Variants in BBS9 observed in about 807,000 individuals in gnomAD.
The protein encoded by BBS9 is protein PTHB1.
In BBS9, 89 loss-of-function variants were observed where a neutral mutation model predicts 117.7. The ratio of observed to expected loss-of-function variants is 0.76; its 90% CI spans 0.64 to 0.90. The LOEUF (loss-of-function observed/expected upper bound fraction) is 0.90, where lower values mean the gene tolerates loss of function less well. Ranked by LOEUF, BBS9 falls within the 40% of genes least tolerant of loss-of-function variation. BBS9 has a pLI of 0.00. For missense variants in BBS9, 982 were observed against 1,042.2 expected (o/e 0.94, Z 0.80); for synonymous variants, 379 against 370.9 (o/e 1.02, Z -0.25).
intron 5 of BBS9, among the ~76,000 whole-genome samples, chr7:33,181,175 T>TC (rs1416333337): frequency 6.6e-6 from 1 of 151,928 alleles, no homozygotes; most frequent in African/African-American, 2.4e-5. Context: ...GACTTAGATC[T>TC]CCCCCAGGGG....
intron 5 of BBS9, among the ~76,000 whole-genome samples, chr7:33,253,027 A>T (rs1362600348): frequency 1.3e-5 from 2 of 152,180 alleles, no homozygotes; most frequent in Non-Finnish European, 2.9e-5. Context: ...ATACGTCAGC[A>T]CACATCTCCC....
At chr7:33,358,244 A>G (rs1819998815) in intron 16 of BBS9, among the ~76,000 whole-genome samples, 3 of 151,892 alleles carry the variant, frequency 2.0e-5, no homozygotes, top group Admixed American at 2.0e-4. Flanking sequence ...GTATTCAGAA[A>G]TAAAAATCAA....
At position 33,617,211 on chromosome 7, in the gene BBS9, A is replaced by T. The variant is rs77251182; in HGVS notation, c.2522-17966A>T. Among the ~76,000 whole-genome samples, 311 of 152,254 alleles carry T rather than the reference A, an allele frequency of 2.0e-3. 11 individuals carry two copies. The East Asian group carries it at 0.054, about 27-fold the overall frequency. The stretch of plus-strand genomic sequence containing the variant: ...ACATTGTCTTAATGAATCAAAAAAC[A>T]AGACCCAACTATATCTTGTCAACGA... On this transcript the variant is annotated intron_variant, in intron 21 of 21. Transcript: ENST00000671952.
intron 5 of BBS9, among the ~76,000 whole-genome samples, chr7:33,236,976 C>A (rs1284331340): frequency 6.6e-6 from 1 of 152,080 alleles, no homozygotes. Context: ...TTAATTTAAT[C>A]AGTCATCTGT....
At chr7:33,366,471 A>G (rs1228249181) in intron 16 of BBS9, among the ~76,000 whole-genome samples, 1 of 143,156 alleles carries the variant, frequency 7.0e-6, no homozygotes, top group Admixed American at 6.9e-5. Context: ...AGTGTCCCCT[A>G]CTTTACCATC....
chr7:33,400,350 G>A (rs1354868984), intron 19 of BBS9, among the ~76,000 whole-genome samples: 1 of 152,096 alleles, frequency 6.6e-6, no homozygotes, highest in Non-Finnish European at 1.5e-5. Context: ...TGTCAGTGAT[G>A]ACAGAAAAAT....
chr7:33,313,499 G>A (rs746967634), intron 9 of BBS9, among the ~76,000 whole-genome samples: 1 of 152,152 alleles, frequency 6.6e-6, no homozygotes, highest in Admixed American at 6.6e-5. Flanking sequence ...ACAGTCTTGT[G>A]TTGACTTTCT....
chr7:33,562,140 C>T (rs1856178483), intron 21 of BBS9, among the ~76,000 whole-genome samples: 2 of 152,122 alleles, frequency 1.3e-5, no homozygotes, highest in African/African-American at 4.8e-5. Context: ...GATACTCTGC[C>T]TTTCCTATAA....
intron 19 of BBS9, among the ~76,000 whole-genome samples, chr7:33,470,972 G>A (rs1029386863): frequency 5.3e-5 from 8 of 152,158 alleles, no homozygotes; most frequent in Non-Finnish European, 1.2e-4. Context: ...TAATGCCATC[G>A]TGCCACATAC....
chr7:33,620,800 A>G (rs1003236613), intron 21 of BBS9, among the ~76,000 whole-genome samples: 22 of 152,216 alleles, frequency 1.4e-4, no homozygotes, highest in Non-Finnish European at 5.9e-5. Context: ...GAGCAAAAAG[A>G]TCAAAGCTGG....
chr7:33,138,237 G>A (rs933595400), intron 1 of BBS9, among the ~76,000 whole-genome samples: 3 of 147,114 alleles, frequency 2.0e-5, no homozygotes, highest in African/African-American at 7.3e-5. Flanking sequence ...TATAAAATGA[G>A]AGGACCAGCT....
chr7:33,198,238 A>G (rs1361161474), intron 5 of BBS9, among the ~76,000 whole-genome samples: 1 of 152,028 alleles, frequency 6.6e-6, no homozygotes. Context: ...TAATTTGGAA[A>G]GTTATATCAT....
intron 19 of BBS9, among the ~76,000 whole-genome samples, chr7:33,451,324 T>G (rs1837837042): frequency 6.6e-6 from 1 of 152,210 alleles, no homozygotes; most frequent in Non-Finnish European, 1.5e-5. Flanking sequence ...AAATTATAGT[T>G]TCAGGTCTTA....
chr7:33,217,223 A>AAT (rs1789254709), intron 5 of BBS9, among the ~76,000 whole-genome samples: 1 of 151,672 alleles, frequency 6.6e-6, no homozygotes, highest in African/African-American at 2.4e-5. Context: ...TATTTAAATA[A>AAT]ATATATATAT....
chr7:33,323,959 T>C (rs1291720823), intron 9 of BBS9, among the ~76,000 whole-genome samples: 1 of 149,616 alleles, frequency 6.7e-6, no homozygotes, highest in East Asian at 2.0e-4. Context: ...TGCGTCAGCC[T>C]CTCGAGCAGC....
intron 9 of BBS9, among the ~76,000 whole-genome samples, chr7:33,295,109 A>G (rs983766633): frequency 6.6e-6 from 1 of 152,176 alleles, no homozygotes; most frequent in Admixed American, 6.5e-5. Flanking sequence ...ATACAGAGAC[A>G]TTACATAATT....
intron 17 of BBS9, chr7:33,380,606 G>T (rs1824817052): frequency 6.6e-6 from 1 of 152,254 alleles, no homozygotes; most frequent in South Asian, 2.1e-4. Flanking sequence ...TGCCTATAGT[G>T]AGGGTAACTG....
intron 20 of BBS9, among the ~76,000 whole-genome samples, chr7:33,523,069 A>G (rs1161606995): frequency 1.0e-4 from 15 of 149,136 alleles, no homozygotes; most frequent in South Asian, 2.2e-4. Context: ...GATATGCGGC[A>G]TTATTTCTGA....
chr7:33,255,877 G>C (rs939704754), intron 5 of BBS9, among the ~76,000 whole-genome samples: 2 of 152,134 alleles, frequency 1.3e-5, no homozygotes, highest in African/African-American at 4.8e-5. Context: ...CAAAGCTTAG[G>C]CTGGGCGTGG....
Sources: gnomAD v4.1 joint callset for allele counts (sites outside exome capture counted in the v4.1 genomes callset) on GRCh38, gnomAD v4.1.1 for gene constraint, MANE v1.5 for transcripts, NCBI Gene and HGNC (gene_info 2026-07-23, HGNC 2026-07-21) for gene names.